The following CPD variants were observed in gnomAD, a reference collection of about 807,000 sequenced individuals.
CPD encodes carboxypeptidase D, also known as metallocarboxypeptidase D.
Under a neutral mutation model 138.3 loss-of-function variants are expected in CPD, and 69 were observed. The observed-to-expected ratio is 0.50, with a 90% CI of 0.41 to 0.61. The LOEUF is 0.61. CPD is among the 20% of genes least tolerant of loss of function. The pLI is 0.00. For synonymous variants in CPD, 651 were observed against 642.1 expected (o/e 1.01, Z -0.21); for missense variants, 1,432 against 1,733.3 (o/e 0.83, Z 3.09).
intron 13 of CPD, among the ~76,000 whole-genome samples, chr17:30,451,060 T>C (rs1953028259): frequency 6.6e-6 from 1 of 152,232 alleles, no homozygotes; most frequent in Non-Finnish European, 1.5e-5. Context: ...AGGTATTTTA[T>C]ATACGTCATT....
At chr17:30,400,340 A>G (rs894630150) in intron 2 of CPD, among the ~76,000 whole-genome samples, 7 of 152,136 alleles carry the variant, frequency 4.6e-5, no homozygotes, top group African/African-American at 1.7e-4. Context: ...CCTACCCACC[A>G]TACCCTTTAT....
intron 2 of CPD, among the ~76,000 whole-genome samples, chr17:30,405,091 A>G (rs1479001100): frequency 1.3e-5 from 2 of 152,150 alleles, no homozygotes; most frequent in African/African-American, 4.8e-5. Context: ...TGCCAAGGTT[A>G]AGGACATGCC....
intron 12 of CPD, among the ~76,000 whole-genome samples, chr17:30,446,571 A>G (rs1220682787): frequency 6.6e-6 from 1 of 152,196 alleles, no homozygotes; most frequent in African/African-American, 2.4e-5. Context: ...AATCCAGTCT[A>G]TCATTGATGG....
chr17:30,427,783 T>G (rs1451242988), intron 7 of CPD, among the ~76,000 whole-genome samples: 2 of 152,034 alleles, frequency 1.3e-5, no homozygotes, highest in East Asian at 3.9e-4. Context: ...TCTCTTCTCC[T>G]TTTACCCCCA....
intron 2 of CPD, among the ~76,000 whole-genome samples, chr17:30,408,546 G>A (rs1017353969): frequency 6.6e-6 from 1 of 152,072 alleles, no homozygotes; most frequent in Non-Finnish European, 1.5e-5. Context: ...TGTATTCCTA[G>A]GTATTTTATT....
chr17:30,456,108 C>T, intron 15 of CPD, 148 bp from the exon 16 acceptor site: 1 of 613,424 alleles, frequency 1.6e-6, no homozygotes, highest in Non-Finnish European at 2.9e-6. Context: ...CTAAATAAAA[C>T]CTTTTAGGGT....
Position 30,456,369 on chromosome 17 carries a change from C to T in CPD, c.3433+18C>T. The T allele has an allele frequency of 1.9e-6, 3 of 1,612,392 alleles. No homozygotes were observed. The highest frequency in any genetic ancestry group is 2.2e-5 in the South Asian group (2 of 91,062). ...TAAATCAGGTAGATGTTTTCCATAC[C>T]TTTTGTTATTGCTGTTGTTGTTGTT... On this transcript the variant is annotated intron_variant, in intron 16 of 20. Coordinates refer to ENST00000225719, the MANE Select transcript of CPD (RefSeq NM_001304.5).
chr17:30,461,367 C>A (rs1913469437), intron 18 of CPD, 56 bp downstream of exon 18: 4 of 1,352,986 alleles, frequency 3.0e-6, no homozygotes, highest in Non-Finnish European at 3.9e-6. Context: ...TCAGTGAAAA[C>A]CTTTATCAAA....
At chr17:30,434,373 A>G (rs1912646237) in intron 8 of CPD, among the ~76,000 whole-genome samples, 1 of 152,176 alleles carries the variant, frequency 6.6e-6, no homozygotes, top group African/African-American at 2.4e-5. Flanking sequence ...GTGGTGAGGT[A>G]AAACAGACCA....
At position 30,422,875 on chromosome 17, in the gene CPD, C is replaced by T; in HGVS notation, c.1509C>T (p.His503=). 1.9e-6 allele frequency: 3 copies of T among 1,614,092 alleles called. No individual in the cohort carries two copies. Among genetic ancestry groups the T allele is most frequent in the Non-Finnish European group, 2.5e-6 (3 of 1,179,950 alleles). Residue 503 remains histidine, a synonymous_variant, in exon 5 of 21, where the codon CAC becomes CAT. Transcript: ENST00000225719. ...YQPIQPKDFH[H]HHFPDMEIFL... ...CAATTCAGCCAAAGGACTTTCACCACCACCATTTCCCTGATATGGAAATCT... is the reference window on the plus strand; with the variant it reads ...CAATTCAGCCAAAGGACTTTCACCATCACCATTTCCCTGATATGGAAATCT...
chr17:30,455,581 A>G (rs1913271877), intron 15 of CPD, 111 bp downstream of exon 15: 3 of 1,210,398 alleles, frequency 2.5e-6, no homozygotes, highest in South Asian at 2.9e-5. Context: ...AGCACACTCT[A>G]TGAGCAAATT....
intron 8 of CPD, among the ~76,000 whole-genome samples, chr17:30,437,263 T>C (rs1007437795): frequency 6.6e-6 from 1 of 152,142 alleles, no homozygotes; most frequent in Non-Finnish European, 1.5e-5. Flanking sequence ...AATTGTACAC[T>C]TTAAATGGAG....
chr17:30,433,022 T>G (rs1912603114), intron 8 of CPD, among the ~76,000 whole-genome samples: 2 of 152,206 alleles, frequency 1.3e-5, no homozygotes, highest in African/African-American at 4.8e-5. Flanking sequence ...GTATTGTTAT[T>G]GGTTATATTG....
chr17:30,421,334 A>G (rs4794873), intron 3 of CPD, among the ~76,000 whole-genome samples: 135,039 of 152,134 alleles, frequency 0.89, 60,142 homozygotes, highest in African/African-American at 0.96. Flanking sequence ...TATGAACCAT[A>G]GACATCAGTT....
intron 2 of CPD, among the ~76,000 whole-genome samples, chr17:30,399,759 G>A (rs545249195): frequency 1.1e-4 from 16 of 152,286 alleles, no homozygotes; most frequent in African/African-American, 3.8e-4. Context: ...GGAGGCTGAG[G>A]CAGGTGGATC....
rs577641225 is a variant in CPD at position 30,403,865 on chromosome 17, A to AAAT, written c.995-16973_995-16971dup. On this transcript the variant is annotated intron_variant, in intron 2 of 20. Transcript: ENST00000225719. ...ATCACCAAAAAACAAGAAACAACTG[A>AAAT]AATAACCATCACATGATGAACAGAT... 1.4e-3 allele frequency among the ~76,000 whole-genome samples: 212 copies of AAAT among 152,330 alleles called. 1 individual carries two copies. The highest frequency in any genetic ancestry group is 4.8e-3 in the African/African-American group (200 of 41,586).
chr17:30,442,528 G>T (rs1912906005), intron 10 of CPD, 78 bp downstream of exon 10: 2 of 1,410,778 alleles, frequency 1.4e-6, no homozygotes, highest in Admixed American at 3.7e-5. Context: ...TTTTTGTGCA[G>T]TGATTTTGGA....
chr17:30,387,735 T>C (rs746325651), intron 2 of CPD, among the ~76,000 whole-genome samples: 1 of 152,240 alleles, frequency 6.6e-6, no homozygotes, highest in Non-Finnish European at 1.5e-5. Context: ...CTCTTTTACT[T>C]TTTATATCAA....
chr17:30,379,547 T>G lies in CPD; in HGVS notation c.567T>G (p.Arg189=), dbSNP rs758779593. Residue 189 remains arginine (R), a synonymous_variant, in exon 1 of 21, where the codon CGT becomes CGG. Transcript: ENST00000225719. This position sits in a 1 kb window ranked among gnomAD's most constrained non-coding sequence, Gnocchi z 7.0. ...LPSLNPDGFE[R]AREGDCGFGD... is the part of the protein sequence containing the mutation. Reference sequence around the variant, plus strand: ...GCCTCAACCCCGATGGCTTCGAGCGTGCCCGCGAGGGCGACTGTGGCTTCG... The same window carrying G: ...GCCTCAACCCCGATGGCTTCGAGCGGGCCCGCGAGGGCGACTGTGGCTTCG... The G allele has an allele frequency of 6.5e-7, 1 of 1,548,650 alleles. No individual in the cohort carries two copies. Among genetic ancestry groups the G allele is most frequent in the Admixed American group, 2.1e-5 (1 of 48,756 alleles).
Sources: allele counts gnomAD v4.1 joint callset (sites outside exome capture counted in the v4.1 genomes callset), GRCh38; gene constraint gnomAD v4.1.1; non-coding constraint Gnocchi (gnomAD v3.1); transcripts MANE v1.5; gene names NCBI Gene and HGNC (gene_info 2026-07-23, HGNC 2026-07-21).